The following LARP4B variants were observed in gnomAD, a reference collection of about 807,000 sequenced individuals.
LARP4B encodes the protein La ribonucleoprotein 4B, also known as la-related protein 4B.
LARP4B carries 12 observed loss-of-function variants against 89.8 expected under a neutral mutation model. The ratio of observed to expected loss-of-function variants is 0.13; its 90% CI spans 0.09 to 0.22. The LOEUF is 0.22. Among genes scored for constraint, LARP4B ranks in the 10% least tolerant of loss-of-function variants. The pLI is 1.00. For synonymous variants in LARP4B, 367 were observed against 363.3 expected (o/e 1.01, Z -0.12); for missense variants, 757 against 947.7 (o/e 0.80, Z 2.64).
At chr10:929,772 T>G (rs544033618) in intron 1 of LARP4B, among the ~76,000 whole-genome samples, 1 of 152,272 alleles carries the variant, frequency 6.6e-6, no homozygotes, top group South Asian at 2.1e-4. Context: ...CTTTGTTTCA[T>G]ATAAATAAGT....
At chr10:824,532 C>T (rs1257337886) in intron 13 of LARP4B, among the ~76,000 whole-genome samples, 2 of 152,182 alleles carry the variant, frequency 1.3e-5, no homozygotes, top group Non-Finnish European at 2.9e-5. Context: ...CAAAAACCTA[C>T]TACAGGATTG....
chr10:962,165 T>G, the LARP4B span, among the ~76,000 whole-genome samples: 1 of 151,750 alleles, frequency 6.6e-6, no homozygotes, highest in Non-Finnish European at 1.5e-5. Flanking sequence ...GTGTGGTAGC[T>G]CATGCCTGTA....
the LARP4B span, chr10:988,248 C>T: frequency 2.0e-6 from 1 of 490,472 alleles, no homozygotes; most frequent in Non-Finnish European, 3.7e-6. Flanking sequence ...AAAACCCGGG[C>T]GTCCTCTCCT....
chr10:878,910 A>G (rs1343620133), intron 3 of LARP4B, among the ~76,000 whole-genome samples: 1 of 152,264 alleles, frequency 6.6e-6, no homozygotes, highest in Non-Finnish European at 1.5e-5. Context: ...ATACTAAGCA[A>G]TAAAATTACT....
At chr10:938,726 ATC>A in the LARP4B span, among the ~76,000 whole-genome samples, 24 of 152,104 alleles carry the variant, frequency 1.6e-4, no homozygotes, top group African/African-American at 4.6e-4. Context: ...CTATATATAC[ATC>A]TCTCTCTCTC....
chr10:829,764 T>C, intron 9 of LARP4B, 30 bp from the exon 10 acceptor site: 1 of 1,544,770 alleles, frequency 6.5e-7, no homozygotes, highest in Non-Finnish European at 8.9e-7. Context: ...CAAAATTCCA[T>C]TCGATTAACC....
chr10:948,379 T>C, the LARP4B span, among the ~76,000 whole-genome samples: 1 of 152,178 alleles, frequency 6.6e-6, no homozygotes, highest in Non-Finnish European at 1.5e-5. Flanking sequence ...CCCAAGTAGC[T>C]GGGATTACAG....
At chr10:919,814 T>C (rs1361003298) in intron 1 of LARP4B, among the ~76,000 whole-genome samples, 2 of 152,218 alleles carry the variant, frequency 1.3e-5, no homozygotes, top group Non-Finnish European at 2.9e-5. Flanking sequence ...CTGAATGCTT[T>C]AGGAAGAAAA....
At chr10:911,691 G>A (rs2132022209) in intron 1 of LARP4B, among the ~76,000 whole-genome samples, 1 of 152,324 alleles carries the variant, frequency 6.6e-6, no homozygotes, top group South Asian at 2.1e-4. Flanking sequence ...CCTTCTGGAA[G>A]GGTCTTCTGT....
rs1194962927 is a variant in LARP4B at position 884,499 on chromosome 10, C to G, written c.89G>C (p.Gly30Ala). 1.3e-6 allele frequency: 2 copies of G among 1,598,034 alleles called. No homozygotes were observed. Among genetic ancestry groups the G allele is most frequent in the Non-Finnish European group, 1.7e-6 (2 of 1,165,862 alleles). The change falls in exon 3 of 18, where the codon GGT becomes GCT. Residue 30 changes from glycine to alanine, a missense_variant. Transcript: ENST00000316157. Reference protein sequence around the residue: ...EGKDSAHLMNGPISQTTSQTS... With the variant: ...EGKDSAHLMNAPISQTTSQTS... ...CTGAGAAGTGGTTTGAGATATAGGA[C>G]CATTCATCTGTAAAATTGAAAACAA...
chr10:821,009 C>T (rs916633200), intron 13 of LARP4B, 164 bp from the exon 14 acceptor site: 3 of 629,464 alleles, frequency 4.8e-6, no homozygotes, highest in Middle Eastern at 2.9e-4. Flanking sequence ...CTTCAGGAAG[C>T]GTAAGCAGAA....
chr10:886,391 CA>C (rs1421969451), intron 1 of LARP4B, among the ~76,000 whole-genome samples: 2 of 152,176 alleles, frequency 1.3e-5, no homozygotes, highest in Non-Finnish European at 2.9e-5. Flanking sequence ...ATTATGAAAA[CA>C]GTATGGAAGT....
chr10:935,020 G>C (rs181572262), upstream of LARP4B, among the ~76,000 whole-genome samples: 1 of 152,180 alleles, frequency 6.6e-6, no homozygotes, highest in Non-Finnish European at 1.5e-5. Context: ...AAGTTCTCCT[G>C]TGGAAAGAAG....
At position 854,846 on chromosome 10, in the gene LARP4B, A is replaced by G. The variant is rs1188740726; in HGVS notation, c.430+8897T>C. Reference sequence around the variant, plus strand: ...GATTAACTTCTTCTCTTTAGCTATGAAAGTCCTAGATAACATTTCCTTCTA... The same window carrying G: ...GATTAACTTCTTCTCTTTAGCTATGGAAGTCCTAGATAACATTTCCTTCTA... On this transcript the variant is annotated intron_variant, in intron 5 of 17. Transcript: ENST00000316157. Among the ~76,000 whole-genome samples the G allele has an allele frequency of 5.3e-5, 8 of 152,314 alleles. No individual in the cohort carries two copies. The East Asian group carries it at 9.6e-4, about 18-fold the overall frequency.
chr10:926,006 A>G (rs964961957), intron 1 of LARP4B, among the ~76,000 whole-genome samples: 12 of 152,268 alleles, frequency 7.9e-5, no homozygotes, highest in Admixed American at 7.8e-4. Flanking sequence ...ATGCTTTTTG[A>G]GTAAAGATTT....
chr10:973,573 G>C, the LARP4B span, among the ~76,000 whole-genome samples: 2 of 151,922 alleles, frequency 1.3e-5, no homozygotes, highest in African/African-American at 4.8e-5. Flanking sequence ...GGATGGTCTC[G>C]ATCTCCTGAC....
intron 5 of LARP4B, among the ~76,000 whole-genome samples, chr10:846,536 G>A (rs959452641): frequency 2.6e-5 from 4 of 152,174 alleles, no homozygotes; most frequent in African/African-American, 9.7e-5. Flanking sequence ...AGCAGTAGGA[G>A]GCCAGCACAG....
intron 1 of LARP4B, among the ~76,000 whole-genome samples, chr10:898,959 G>A (rs1035992688): frequency 9.2e-5 from 14 of 152,196 alleles, no homozygotes; most frequent in African/African-American, 3.4e-4. Flanking sequence ...GTGGGTGAAT[G>A]TCACATCGTA....
intron 5 of LARP4B, among the ~76,000 whole-genome samples, chr10:852,113 G>T (rs991800487): frequency 6.6e-6 from 1 of 151,430 alleles, no homozygotes; most frequent in African/African-American, 2.4e-5. Context: ...GAAGAAAAAA[G>T]GAAAACTCCT....
Sources: gnomAD v4.1 joint callset for allele counts (sites outside exome capture counted in the v4.1 genomes callset) on GRCh38, gnomAD v4.1.1 for gene constraint, MANE v1.5 for transcripts, NCBI Gene and HGNC (gene_info 2026-07-23, HGNC 2026-07-21) for gene names.